The following FSTL5 variants were observed in gnomAD, a reference collection of about 807,000 sequenced individuals.
The protein encoded by FSTL5 is follistatin like 5.
FSTL5 carries 62 observed loss-of-function variants against 89.1 expected under a neutral mutation model. That is an observed-to-expected ratio of 0.70 (90% CI 0.57 to 0.86). FSTL5 has a LOEUF of 0.86. Ranked by LOEUF, FSTL5 falls within the 40% of genes least tolerant of loss-of-function variation. The probability of loss-of-function intolerance (pLI) is 0.00; values close to 1 mark genes in which losing one functional copy is unlikely to be tolerated. For missense variants in FSTL5, 1,057 were observed against 1,001.6 expected, an observed-to-expected ratio of 1.06 and a Z score of -0.75; for synonymous variants, 383 against 346.2, an observed-to-expected ratio of 1.11 and a Z score of -1.18.
chr4:161,492,172 G>A (rs73861550), intron 12 of FSTL5, among the ~76,000 whole-genome samples: 4,301 of 152,020 alleles, frequency 0.028, 202 homozygotes, highest in African/African-American at 0.097. Context: ...TGTCTACAAG[G>A]GCAACCATTA....
intron 6 of FSTL5, among the ~76,000 whole-genome samples, chr4:161,740,417 G>C (rs997851361): frequency 6.6e-6 from 1 of 151,784 alleles, no homozygotes. Context: ...AATTTGAGTA[G>C]TGTATTTTTA....
intron 4 of FSTL5, among the ~76,000 whole-genome samples, chr4:161,866,465 AGTGTGTGTGTGTGTGT>A (rs70937692): frequency 1.5e-5 from 2 of 131,862 alleles, no homozygotes; most frequent in African/African-American, 2.8e-5. Flanking sequence ...TCTAAGCTGT[AGTGTGTGTGTGTGTGT>A]GTGTGTGTGT....
intron 10 of FSTL5, among the ~76,000 whole-genome samples, chr4:161,530,435 T>G (rs1468410193): frequency 9.1e-6 from 1 of 110,330 alleles, no homozygotes; most frequent in African/African-American, 3.0e-5. Context: ...TCTTGTAGAC[T>G]TTAGCCATTT....
At chr4:161,777,243 G>GTATATATATATATA (rs4065063) in intron 4 of FSTL5, among the ~76,000 whole-genome samples, 1,707 of 144,946 alleles carry the variant, frequency 0.012, 25 homozygotes, top group Non-Finnish European at 0.018. Context: ...ATTTCATTGT[G>GTATATATATATATA]TATATATATA....
intron 6 of FSTL5, among the ~76,000 whole-genome samples, chr4:161,679,034 T>C (rs1382211868): frequency 2.0e-5 from 3 of 151,744 alleles, no homozygotes; most frequent in Non-Finnish European, 4.4e-5. Flanking sequence ...TTGAACACTT[T>C]AGTAAATACT....
chr4:162,015,278 A>G (rs1736884897), intron 3 of FSTL5, among the ~76,000 whole-genome samples: 1 of 152,202 alleles, frequency 6.6e-6, no homozygotes, highest in Non-Finnish European at 1.5e-5. Flanking sequence ...CACAGAACTC[A>G]AGAAAAAAGG....
intron 7 of FSTL5, among the ~76,000 whole-genome samples, chr4:161,630,592 G>A (rs1282795500): frequency 6.6e-6 from 1 of 152,182 alleles, no homozygotes; most frequent in African/African-American, 2.4e-5. Flanking sequence ...AAGAGTTAAT[G>A]ACAGTGATTG....
intron 15 of FSTL5, among the ~76,000 whole-genome samples, chr4:161,392,585 C>G (rs1730856775): frequency 6.6e-6 from 1 of 152,096 alleles, no homozygotes; most frequent in African/African-American, 2.4e-5. Flanking sequence ...CCCTCTAACT[C>G]TTTTTCAGGA....
At chr4:161,964,171 G>T (rs1735259566) in intron 3 of FSTL5, among the ~76,000 whole-genome samples, 1 of 151,888 alleles carries the variant, frequency 6.6e-6, no homozygotes, top group South Asian at 2.1e-4. Context: ...AATTGAGGTG[G>T]CTTTTATTGT....
At chr4:161,986,900 C>T (rs191448819) in intron 3 of FSTL5, among the ~76,000 whole-genome samples, 64 of 152,164 alleles carry the variant, frequency 4.2e-4, no homozygotes, top group Middle Eastern at 3.4e-3. Flanking sequence ...GGAAAACTAC[C>T]GCAGATTGAT....
At chr4:161,603,613 T>C (rs931977759) in intron 7 of FSTL5, among the ~76,000 whole-genome samples, 5 of 152,176 alleles carry the variant, frequency 3.3e-5, no homozygotes, top group Non-Finnish European at 2.9e-5. Context: ...GATTTTGTTA[T>C]GCAGCTCAAG....
At chr4:161,723,154 T>C in intron 6 of FSTL5, among the ~76,000 whole-genome samples, 1 of 152,158 alleles carries the variant, frequency 6.6e-6, no homozygotes, top group South Asian at 2.1e-4. Flanking sequence ...AATGAGGGAA[T>C]GTATGGATAT....
chr4:161,654,456 T>C (rs1320489160), intron 7 of FSTL5, among the ~76,000 whole-genome samples: 4 of 152,118 alleles, frequency 2.6e-5, no homozygotes, highest in Non-Finnish European at 4.4e-5. Context: ...TCAAAGTATC[T>C]TAAATGCACC....
chr4:161,612,306 T>C (rs1468456269), intron 7 of FSTL5, among the ~76,000 whole-genome samples: 8 of 152,244 alleles, frequency 5.3e-5, no homozygotes, highest in African/African-American at 1.9e-4. Context: ...CCTACTAATG[T>C]AGTTTAATAG....
chr4:161,639,434 A>G (rs1332523398), intron 7 of FSTL5, among the ~76,000 whole-genome samples: 1 of 152,188 alleles, frequency 6.6e-6, no homozygotes, highest in Non-Finnish European at 1.5e-5. Flanking sequence ...TAATTACATT[A>G]TCATCTAAAT....
intron 15 of FSTL5, among the ~76,000 whole-genome samples, chr4:161,424,022 T>C (rs1732082888): frequency 1.2e-5 from 1 of 80,210 alleles, no homozygotes; most frequent in African/African-American, 4.1e-5. Flanking sequence ...ACGCCCATCA[T>C]TCTTTTTTTT....
chr4:161,518,042 A>G (rs1234116173), intron 10 of FSTL5, among the ~76,000 whole-genome samples: 9 of 152,222 alleles, frequency 5.9e-5, no homozygotes. Flanking sequence ...TAGGCTAGAA[A>G]CAACATTTGA....
intron 3 of FSTL5, among the ~76,000 whole-genome samples, chr4:162,011,568 A>T (rs886815943): frequency 6.6e-6 from 1 of 151,808 alleles, no homozygotes; most frequent in Non-Finnish European, 1.5e-5. Context: ...ATTTTGGCTC[A>T]CTGAAAACTC....
At chr4:161,952,559 C>T (rs1734925989) in intron 3 of FSTL5, among the ~76,000 whole-genome samples, 1 of 151,890 alleles carries the variant, frequency 6.6e-6, no homozygotes, top group Non-Finnish European at 1.5e-5. Context: ...TGTAAGAAAT[C>T]ATGTCTTATT....
Sources: allele counts gnomAD v4.1 joint callset (sites outside exome capture counted in the v4.1 genomes callset), GRCh38; gene constraint gnomAD v4.1.1; transcripts MANE v1.5; gene names NCBI Gene and HGNC (gene_info 2026-07-23, HGNC 2026-07-21).